Variants in FRS3 observed in about 807,000 individuals in gnomAD.
FRS3 encodes FGFR substrate 3.
A neutral mutation model predicts 41.9 loss-of-function variants in FRS3; 17 were observed. That is an observed-to-expected ratio of 0.41 (90% confidence interval 0.28 to 0.61). FRS3 has a LOEUF of 0.61. FRS3 is among the 20% of genes least tolerant of loss of function. FRS3 has a pLI of 0.36. For missense variants in FRS3, 619 were observed against 672.1 expected, an observed-to-expected ratio of 0.92 and a Z score of 0.87; for synonymous variants, 287 against 274.5, an observed-to-expected ratio of 1.05 and a Z score of -0.45.
intron 5 of FRS3, among the ~76,000 whole-genome samples, chr6:41,772,355 G>A (rs1004487504): frequency 3.3e-5 from 5 of 152,144 alleles, no homozygotes; most frequent in Non-Finnish European, 7.3e-5. Context: ...TCCAAGGAGC[G>A]CTGAATACCA....
chr6:41,779,896 TCCCCGCCCCG>T (rs1039683831), exon 1 of FRS3: 1 of 148,844 alleles, frequency 6.7e-6, no homozygotes, highest in Admixed American at 6.7e-5. Context: ...AGCTAAGGCC[TCCCCGCCCCG>T]CCCCGCCCCG....
rs902780280 is a variant in FRS3, at chr6:41,771,065, C to T, written c.1033G>A (p.Asp345Asn). 6.2e-7 allele frequency: 1 copy of T among 1,603,696 alleles called. No individual in the cohort carries two copies. The highest frequency in any genetic ancestry group is 1.7e-5 in the Admixed American group (1 of 59,592). ...QAQQLGGEAG[D>N]DGDSRDGLTP... ...AGCCCATCCCTCGAGTCCCCATCAT[C>T]CCCAGCCTCCCCTCCCAGCTGCTGG... Residue 345 changes from aspartate (D) to asparagine (N), a missense_variant, in exon 7 of 7, where the codon GAT becomes AAT. Asp to Asn is a conservative substitution (Grantham distance 23, BLOSUM62 1). This residue lies in a region of FRS3 where 487 missense variants were observed against 478.3 expected (regional missense o/e 1.02). Coordinates refer to ENST00000373018, the MANE Select transcript of FRS3 (RefSeq NM_006653.5).
At position 41,777,007 on chromosome 6, in the gene FRS3, T is replaced by C. The variant is rs1022845652; in HGVS notation, c.-20A>G. The C allele has an allele frequency of 6.2e-7, 1 of 1,612,944 alleles. No homozygotes were observed. Among genetic ancestry groups the C allele is most frequent in the African/African-American group, 1.3e-5 (1 of 74,888 alleles). ...CCCCATGGTGTCAGAGCAGCCAGCC[T>C]GCCCTAGGAAAAACATACAGGATAT... is the stretch of plus-strand genomic sequence containing the variant. On this transcript the variant is annotated 5_prime_UTR_variant, in exon 3 of 7. Coordinates refer to ENST00000373018, the MANE Select transcript of FRS3 (RefSeq NM_006653.5).
At position 41,773,081 on chromosome 6, in the gene FRS3, C is replaced by A. The variant is rs1772338333; in HGVS notation, c.254-122G>T. On this transcript the variant is annotated intron_variant, in intron 4 of 6. Coordinates refer to ENST00000373018, the MANE Select transcript of FRS3 (RefSeq NM_006653.5). Reference sequence around the variant, plus strand: ...TCCCAGGCCTGTAGGGGCAGGAGAGCCTCTCCTCATCTTGAGCATTCTTTT... The same window carrying A: ...TCCCAGGCCTGTAGGGGCAGGAGAGACTCTCCTCATCTTGAGCATTCTTTT... 4 of 712,106 alleles carry A rather than the reference C, an allele frequency of 5.6e-6. No individual in the cohort carries two copies. The Admixed American group carries it at 7.6e-5, about 14-fold the overall frequency. The allele number at this position is 712,106 out of a possible 1,614,324, so 44.1% of individuals were successfully genotyped here.
intron 5 of FRS3, among the ~76,000 whole-genome samples, 162 bp downstream of exon 5, chr6:41,772,636 G>A (rs1266715122): frequency 1.3e-5 from 2 of 152,138 alleles, no homozygotes; most frequent in East Asian, 1.9e-4. Flanking sequence ...AGGACTTACC[G>A]ATCCTCAAGA....
rs774684327 is a variant in FRS3, at chr6:41,770,579, G to A, written c.*40C>T. ...GGACAGGAGTGTGAGGCAGAGGCTGGATCATGGTGGGGCAGAGGGTGGTGA... is the reference window on the plus strand; with the variant it reads ...GGACAGGAGTGTGAGGCAGAGGCTGAATCATGGTGGGGCAGAGGGTGGTGA... On this transcript the variant is annotated 3_prime_UTR_variant, in exon 7 of 7. Transcript: ENST00000373018. The A allele has an allele frequency of 1.3e-6, 2 of 1,598,952 alleles. No homozygotes were observed. Among genetic ancestry groups the A allele is most frequent in the South Asian group, 2.2e-5 (2 of 90,762 alleles).
chr6:41,771,613 G>A lies in FRS3; in HGVS notation c.565-80C>T, dbSNP rs79413344. On this transcript the variant is annotated intron_variant, in intron 6 of 6. Transcript: ENST00000373018. The stretch of plus-strand genomic sequence containing the variant: ...ACAGAAGGGACAGGATGAGAGAAAA[G>A]AAGCACACAGAAAAAGACCTGGAGT... 1.9e-3 allele frequency: 2,483 copies of A among 1,289,382 alleles called. 53 individuals carry two copies. The African/African-American group carries it at 0.033, about 17-fold the overall frequency. 79.9% of individuals were successfully genotyped at this position (1,289,382 alleles called of 1,614,324 possible).
At chr6:41,778,823 G>A (rs760197121) in intron 1 of FRS3, among the ~76,000 whole-genome samples, 11 of 152,162 alleles carry the variant, frequency 7.2e-5, no homozygotes, top group Non-Finnish European at 1.0e-4. Flanking sequence ...AGCTCTGAAA[G>A]GCCTAATTTT....
At position 41,771,157 on chromosome 6, in the gene FRS3, T is replaced by C. The variant is rs200632162; in HGVS notation, c.941A>G (p.His314Arg). The C allele has an allele frequency of 1.1e-4, 164 of 1,554,986 alleles. 2 individuals carry two copies. The highest frequency in any genetic ancestry group is 8.7e-4 in the Middle Eastern group (5 of 5,756). ...PEEPGWNGLA[H>R]RRAALLHYEN... ...ATAGTGCAGCAGGGCGGCCCGGCGG[T>C]GGGCAAGGCCATTCCAGCCCGGCTC... Residue 314 changes from histidine to arginine, a missense_variant, in exon 7 of 7, where the codon CAC becomes CGC. Physicochemically the swap from His to Arg is conservative, Grantham distance 29. Coordinates refer to ENST00000373018, the MANE Select transcript of FRS3 (RefSeq NM_006653.5).
chr6:41,778,452 G>A (rs1772455838), intron 1 of FRS3, among the ~76,000 whole-genome samples: 1 of 152,174 alleles, frequency 6.6e-6, no homozygotes, highest in Non-Finnish European at 1.5e-5. Context: ...TCTGAGTCCT[G>A]TTACAACAAA....
At chr6:41,773,630 G>A (rs1208254409) in intron 4 of FRS3, among the ~76,000 whole-genome samples, 1 of 151,742 alleles carries the variant, frequency 6.6e-6, no homozygotes, top group Non-Finnish European at 1.5e-5. Context: ...CAGCACTTTG[G>A]GAGGCCGAGG....
At chr6:41,776,236 C>T (rs1339828145) in intron 3 of FRS3, among the ~76,000 whole-genome samples, 1 of 152,228 alleles carries the variant, frequency 6.6e-6, no homozygotes, top group Non-Finnish European at 1.5e-5. Context: ...GTTGTGCTTA[C>T]TGTGTGCTAA....
In FRS3 at chr6:41,771,042, C is replaced by G. The variant is rs1216340207; in HGVS notation, c.1056G>C (p.Gly352=). The change falls in exon 7 of 7, where the codon GGG becomes GGC. Residue 352 remains glycine, a synonymous_variant. Coordinates refer to ENST00000373018, the MANE Select transcript of FRS3 (RefSeq NM_006653.5). ...EAGDDGDSRD[G]LTPSSNGFPD... Reference sequence around the variant, plus strand: ...GGAAGCCATTGGAAGAGGGTGTGAGCCCATCCCTCGAGTCCCCATCATCCC... The same window carrying G: ...GGAAGCCATTGGAAGAGGGTGTGAGGCCATCCCTCGAGTCCCCATCATCCC... 1 of 1,611,464 alleles carries G rather than the reference C, an allele frequency of 6.2e-7. No homozygotes were observed. Among genetic ancestry groups the G allele is most frequent in the Non-Finnish European group, 8.5e-7 (1 of 1,178,454 alleles).
intron 4 of FRS3, among the ~76,000 whole-genome samples, chr6:41,774,184 C>T (rs539016910): frequency 1.3e-5 from 2 of 152,158 alleles, no homozygotes; most frequent in South Asian, 4.2e-4. Flanking sequence ...CTCCTGACCT[C>T]GTGATCCGCC....
At chr6:41,775,712 A>G (rs1478719495) in intron 3 of FRS3, 107 bp from the exon 4 acceptor site, 2 of 807,730 alleles carry the variant, frequency 2.5e-6, no homozygotes, top group Middle Eastern at 2.3e-4. Context: ...GTGGGGAACC[A>G]AAGGTCACAT....
intron 3 of FRS3, among the ~76,000 whole-genome samples, 156 bp from the exon 4 acceptor site, chr6:41,775,761 A>G (rs1772398511): frequency 6.6e-6 from 1 of 152,202 alleles, no homozygotes. Context: ...ACATAACTAC[A>G]TGAAGCAGTG....
chr6:41,775,277 G>C, intron 4 of FRS3, 142 bp downstream of exon 4: 1 of 635,120 alleles, frequency 1.6e-6, no homozygotes, highest in South Asian at 2.3e-5. Context: ...CCTGACCTCT[G>C]ACTGCAGGGA....
rs1415370010 is a variant in FRS3 at position 41,772,968 on chromosome 6, G to A, written c.254-9C>T. On this transcript the variant is annotated splice_polypyrimidine_tract_variant and intron_variant, in intron 4 of 6. Transcript: ENST00000373018. ...CTTAAATGCAAATATTCCTGGAGAA[G>A]GAGAGGAAGAAATGACCCTAGGCAA... The A allele has an allele frequency of 7.4e-6, 12 of 1,613,464 alleles. 1 individual carries two copies. The South Asian group carries it at 1.3e-4, about 18-fold the overall frequency.
chr6:41,772,057 A>T, intron 5 of FRS3, 93 bp from the exon 6 acceptor site: 3 of 1,039,294 alleles, frequency 2.9e-6, no homozygotes, highest in South Asian at 1.7e-5. Context: ...GACTCCTCTA[A>T]TGGAGGACAG....
Sources: allele counts gnomAD v4.1 joint callset (sites outside exome capture counted in the v4.1 genomes callset), GRCh38; gene constraint gnomAD v4.1.1; regional missense constraint gnomAD v4.1.1; transcripts MANE v1.5; gene names NCBI Gene and HGNC (gene_info 2026-07-23, HGNC 2026-07-21).